The following BRD1 variants were observed in gnomAD, a reference collection of about 807,000 sequenced individuals.
BRD1 encodes the protein bromodomain-containing protein 1.
In BRD1, 24 loss-of-function variants were observed where a neutral mutation model predicts 107.7. The observed-to-expected ratio is 0.22, with a 90% CI of 0.16 to 0.31. The LOEUF is 0.31. BRD1 is among the 10% of genes least tolerant of loss of function. The pLI is 1.00. For synonymous variants in BRD1, 744 were observed against 686.1 expected (o/e 1.08, Z -1.32); for missense variants, 1,279 against 1,638.6 (o/e 0.78, Z 3.79).
At chr22:49,776,541 C>T (rs1053832008) in intron 10 of BRD1, among the ~76,000 whole-genome samples, 1 of 152,246 alleles carries the variant, frequency 6.6e-6, no homozygotes, top group Non-Finnish European at 1.5e-5. Flanking sequence ...CCTGGCTCCC[C>T]CTCCGCCAGA....
intron 2 of BRD1, among the ~76,000 whole-genome samples, chr22:49,815,991 G>T (rs1222643127): frequency 6.6e-6 from 1 of 152,038 alleles, no homozygotes; most frequent in Non-Finnish European, 1.5e-5. Context: ...CACCCACACT[G>T]CCCGGGAGGC....
intron 10 of BRD1, 55 bp downstream of exon 10, chr22:49,776,979 T>C: frequency 6.2e-7 from 1 of 1,606,836 alleles, no homozygotes. Flanking sequence ...AGTCGAGCCC[T>C]AAGACGCTAA....
chr22:49,789,523 C>T (rs1288695727), intron 7 of BRD1, among the ~76,000 whole-genome samples: 1 of 148,708 alleles, frequency 6.7e-6, no homozygotes, highest in Admixed American at 6.7e-5. Context: ...GCCCTGATTA[C>T]GACATTCAAC....
chr22:49,824,278 T>C lies in BRD1; in HGVS notation c.40A>G (p.Arg14Gly), dbSNP rs1325454885. ...KGRCHRGSAA[R>G]HPSSPCSVKH... ...ACACTGCATGGGGAAGAAGGATGCCTCGCTGCAGAGCCTCGATGACATCGT... is the reference window on the plus strand; with the variant it reads ...ACACTGCATGGGGAAGAAGGATGCCCCGCTGCAGAGCCTCGATGACATCGT... The change falls in exon 2 of 13, where the codon AGG becomes GGG. Residue 14 changes from arginine (R) to glycine (G), a missense_variant. By Grantham distance (125) the Arg-to-Gly change is moderately radical. Transcript: ENST00000404760. This position sits in a 1 kb window ranked among gnomAD's most constrained non-coding sequence, Gnocchi z 5.9. The C allele has an allele frequency of 1.9e-6, 3 of 1,613,846 alleles. No homozygotes were observed. The highest frequency in any genetic ancestry group is 1.7e-5 in the Admixed American group (1 of 59,998).
chr22:49,822,970 G>C lies in BRD1; in HGVS notation c.1348C>G (p.Pro450Ala). Residue 450 changes from proline to alanine, a missense_variant, in exon 2 of 13, where the codon CCT (proline) becomes GCT (alanine). By Grantham distance (27) the Pro-to-Ala change is conservative (BLOSUM62 -1). Around this residue, in one of 7 missense-constraint regions of BRD1, gnomAD observed 87 missense variants for 77.1 expected, o/e 1.13. Transcript: ENST00000404760. Reference sequence around the variant, plus strand: ...GCTTACCTCTGCGGGGGAATATAAGGAGCGCACACGGTCGGCAGGACCGCG... The same window carrying C: ...GCTTACCTCTGCGGGGGAATATAAGCAGCGCACACGGTCGGCAGGACCGCG... ...PCAVLPTVCA[P>A]YIPPQRLNRI... The C allele has an allele frequency of 6.2e-7, 1 of 1,614,134 alleles. No homozygotes were observed. The highest frequency in any genetic ancestry group is 8.5e-7 in the Non-Finnish European group (1 of 1,180,036).
chr22:49,824,398 A>T lies in BRD1; in HGVS notation c.-14-67T>A. ...ACCAAAGACTCGAGAAAACCACAAA[A>T]GCATGCTTGGACAGATCTAGCTCAG... On this transcript the variant is annotated intron_variant, in intron 1 of 12. Coordinates refer to ENST00000404760, the MANE Select transcript of BRD1 (RefSeq NM_001304808.3). The surrounding 1 kb of genome is among the most constrained non-coding windows in gnomAD (Gnocchi z 5.9). 6.4e-7 allele frequency: 1 copy of T among 1,568,562 alleles called. No individual in the cohort carries two copies.
intron 2 of BRD1, among the ~76,000 whole-genome samples, chr22:49,809,725 T>C (rs1030487209): frequency 6.6e-6 from 1 of 152,158 alleles, no homozygotes; most frequent in African/African-American, 2.4e-5. Flanking sequence ...CTATGAGGGC[T>C]ACTGGACCAT....
At chr22:49,788,046 G>A (rs537750347) in intron 7 of BRD1, among the ~76,000 whole-genome samples, 159 bp from the exon 8 acceptor site, 55 of 152,214 alleles carry the variant, frequency 3.6e-4, no homozygotes, top group African/African-American at 1.1e-3. Context: ...CCGTGGGCTC[G>A]GGCCACACTG....
chr22:49,804,878 C>T (rs981704086), intron 2 of BRD1, among the ~76,000 whole-genome samples: 1 of 152,078 alleles, frequency 6.6e-6, no homozygotes, highest in African/African-American at 2.4e-5. Flanking sequence ...AAAAAGATTT[C>T]ATCCACTTCT....
At chr22:49,777,602 C>T (rs927466378) in intron 9 of BRD1, 76 bp downstream of exon 9, 59 of 1,543,888 alleles carry the variant, frequency 3.8e-5, no homozygotes, top group Non-Finnish European at 4.6e-5. Context: ...TGGAATGTCC[C>T]GGCTTCCAGG....
rs548406925 is a variant in BRD1, at chr22:49,808,734, G to C, written c.1368-4374C>G. ...AATACTGAAAAAACTTGAATACAGAGAGTTAAATGGAATGTGCACCTTCCA... is the reference window on the plus strand; with the variant it reads ...AATACTGAAAAAACTTGAATACAGACAGTTAAATGGAATGTGCACCTTCCA... On this transcript the variant is annotated intron_variant, in intron 2 of 12. Coordinates refer to ENST00000404760, the MANE Select transcript of BRD1 (RefSeq NM_001304808.3). 4.6e-5 allele frequency among the ~76,000 whole-genome samples: 7 copies of C among 152,294 alleles called. 1 individual carries two copies. The East Asian group carries it at 1.3e-3, about 29-fold the overall frequency.
chr22:49,823,778 G>A lies in BRD1; in HGVS notation c.540C>T (p.Ala180=), dbSNP rs372788569. 3.7e-5 allele frequency: 59 copies of A among 1,614,140 alleles called. No homozygotes were observed. The African/African-American group carries it at 4.8e-4, about 13-fold the overall frequency. ...NEKRKGDCVP[A]VSQSMFEFLM... ...GGAACTCAAACATGCTCTGCGACAC[G>A]GCGGGGACGCAGTCGCCCTTGCGCT... Residue 180 remains alanine, a synonymous_variant, in exon 2 of 13, where the codon GCC becomes GCT. Coordinates refer to ENST00000404760, the MANE Select transcript of BRD1 (RefSeq NM_001304808.3).
chr22:49,812,246 C>T (rs1017262346), intron 2 of BRD1, among the ~76,000 whole-genome samples: 1 of 151,776 alleles, frequency 6.6e-6, no homozygotes, highest in African/African-American at 2.4e-5. Context: ...AGATACTGTC[C>T]ACAAAGACGA....
intron 5 of BRD1, 39 bp from the exon 6 acceptor site, chr22:49,798,156 A>G: frequency 6.6e-7 from 1 of 1,525,348 alleles, no homozygotes; most frequent in Non-Finnish European, 9.0e-7. Flanking sequence ...TACAAACTAA[A>G]ACAGGATATT....
At chr22:49,786,581 C>T (rs2059330301) in intron 8 of BRD1, among the ~76,000 whole-genome samples, 1 of 152,190 alleles carries the variant, frequency 6.6e-6, no homozygotes, top group Non-Finnish European at 1.5e-5. Context: ...TTGCTGAAAT[C>T]AACTGCAAAG....
chr22:49,822,957 G>A lies in BRD1; in HGVS notation c.1361C>T (p.Pro454Leu), dbSNP rs539096139. 24 of 1,613,798 alleles carry A rather than the reference G, an allele frequency of 1.5e-5. No individual in the cohort carries two copies. Among genetic ancestry groups the A allele is most frequent in the Middle Eastern group, 1.7e-4 (1 of 6,056 alleles). ...AATGCTTGGACACGCTTACCTCTGC[G>A]GGGGAATATAAGGAGCGCACACGGT... ...LPTVCAPYIP[P>L]QRLNRIANQV... is the part of the protein sequence containing the mutation. Residue 454 changes from proline to leucine, a missense_variant, in exon 2 of 13, where the codon CCG becomes CTG. By Grantham distance (98) the Pro-to-Leu change is moderately conservative. Transcript: ENST00000404760.
Position 49,774,255 on chromosome 22 carries a change from C to G in BRD1, c.3548G>C (p.Ser1183Thr). The G allele has an allele frequency of 6.2e-7, 1 of 1,613,962 alleles. No individual in the cohort carries two copies. Among genetic ancestry groups the G allele is most frequent in the Non-Finnish European group, 8.5e-7 (1 of 1,179,890 alleles). The change falls in exon 13 of 13, where the codon AGC becomes ACC. Residue 1183 changes from serine (S) to threonine (T), a missense_variant. Ser to Thr is a moderately conservative substitution (Grantham distance 58, BLOSUM62 1). Coordinates refer to ENST00000404760, the MANE Select transcript of BRD1 (RefSeq NM_001304808.3). Reference protein sequence around the residue: ...HLSRVHGEPTSDLSDID With the variant: ...HLSRVHGEPTTDLSDID ...CCGTCAGTCAATGTCACTGAGGTCGCTGGTCGGCTCCCCGTGGACGCGGCT... is the reference window on the plus strand; with the variant it reads ...CCGTCAGTCAATGTCACTGAGGTCGGTGGTCGGCTCCCCGTGGACGCGGCT...
At chr22:49,800,549 CG>C (rs1341187899) in intron 3 of BRD1, among the ~76,000 whole-genome samples, 4 of 152,128 alleles carry the variant, frequency 2.6e-5, no homozygotes, top group Admixed American at 6.5e-5. Context: ...TGTTACGAAG[CG>C]GAAGAAATCT....
Position 49,823,744 on chromosome 22 carries a change from G to A in BRD1, c.574C>T (p.Arg192Cys), listed in dbSNP as rs1398607783. The change falls in exon 2 of 13, where the codon CGC (arginine) becomes TGC (cysteine). Residue 192 changes from arginine to cysteine, a missense_variant. Physicochemically the swap from Arg to Cys is radical, Grantham distance 180. Around this residue, in one of 7 missense-constraint regions of BRD1, gnomAD observed 158 missense variants for 310.2 expected, o/e 0.51. Coordinates refer to ENST00000404760, the MANE Select transcript of BRD1 (RefSeq NM_001304808.3). ...TCGCAGTGCGACTCCTTCTCGAAGCGGTCCATCAGGAACTCAAACATGCTC... is the reference window on the plus strand; with the variant it reads ...TCGCAGTGCGACTCCTTCTCGAAGCAGTCCATCAGGAACTCAAACATGCTC... The part of the protein sequence containing the change: ...SQSMFEFLMD[R>C]FEKESHCENQ... 5 of 1,614,148 alleles carry A rather than the reference G, an allele frequency of 3.1e-6. No homozygotes were observed. The highest frequency in any genetic ancestry group is 4.2e-6 in the Non-Finnish European group (5 of 1,180,032).
Sources: gnomAD v4.1 joint callset for allele counts (sites outside exome capture counted in the v4.1 genomes callset) on GRCh38, gnomAD v4.1.1 for gene constraint, gnomAD v4.1.1 regional missense constraint, Gnocchi (gnomAD v3.1) non-coding constraint, MANE v1.5 for transcripts, NCBI Gene and HGNC (gene_info 2026-07-23, HGNC 2026-07-21) for gene names.